Variants in ZNF407 observed in about 807,000 individuals in gnomAD.
ZNF407 encodes zinc finger protein 407.
ZNF407 carries 17 observed loss-of-function variants against 131.2 expected under a neutral mutation model. That is an observed-to-expected ratio of 0.13 (90% CI 0.09 to 0.19). The LOEUF is 0.19. Among genes scored for constraint, ZNF407 ranks in the 10% least tolerant of loss-of-function variants. The probability of loss-of-function intolerance (pLI) is 1.00; values close to 1 mark genes in which losing one functional copy is unlikely to be tolerated. For synonymous variants in ZNF407, 1,156 were observed against 1,062.0 expected (o/e 1.09, Z -1.72); for missense variants, 2,681 against 2,830.6 (o/e 0.95, Z 1.20).
chr18:74,825,106 A>G (rs1970391962), intron 4 of ZNF407, among the ~76,000 whole-genome samples: 1 of 152,242 alleles, frequency 6.6e-6, no homozygotes, highest in Non-Finnish European at 1.5e-5. Context: ...ACCAGTGACA[A>G]AAACCACATG....
chr18:74,835,290 G>A (rs543843238), intron 4 of ZNF407, among the ~76,000 whole-genome samples: 88 of 152,248 alleles, frequency 5.8e-4, no homozygotes, highest in Admixed American at 1.6e-3. Flanking sequence ...ATTTTCCTTC[G>A]TGCCACTTTC....
At chr18:74,630,100 T>A (rs994043827) in intron 1 of ZNF407, among the ~76,000 whole-genome samples, 5 of 151,930 alleles carry the variant, frequency 3.3e-5, no homozygotes, top group Non-Finnish European at 5.9e-5. Context: ...TGTTGTTCAT[T>A]GGAATATATT....
intron 8 of ZNF407, among the ~76,000 whole-genome samples, chr18:75,021,707 A>G (rs1973112549): frequency 6.6e-6 from 1 of 152,120 alleles, no homozygotes; most frequent in Non-Finnish European, 1.5e-5. Flanking sequence ...TAGTTCACAA[A>G]GATAAAAGTT....
chr18:74,863,252 T>G (rs1444911179), intron 4 of ZNF407, among the ~76,000 whole-genome samples: 4 of 151,458 alleles, frequency 2.6e-5, no homozygotes, highest in Non-Finnish European at 5.9e-5. Context: ...TATTTCATAC[T>G]TCCACCTCTT....
chr18:75,032,613 C>A (rs932244977), intron 8 of ZNF407, among the ~76,000 whole-genome samples: 8 of 152,294 alleles, frequency 5.3e-5, no homozygotes, highest in African/African-American at 1.9e-4. Context: ...AAGCTTCATA[C>A]GCATTTAGCA....
intron 3 of ZNF407, among the ~76,000 whole-genome samples, chr18:74,676,594 G>A (rs1599061214): frequency 2.0e-5 from 3 of 146,420 alleles, no homozygotes; most frequent in Middle Eastern, 3.5e-3. Flanking sequence ...CCACCACCGT[G>A]CCCGGGTAAT....
chr18:74,664,090 A>T (rs1010913948), intron 3 of ZNF407, among the ~76,000 whole-genome samples: 3 of 152,180 alleles, frequency 2.0e-5, no homozygotes, highest in Non-Finnish European at 4.4e-5. Context: ...TGGGAATTGC[A>T]TGGCCAAGTA....
intron 7 of ZNF407, among the ~76,000 whole-genome samples, chr18:74,916,210 ATGTG>A (rs1390351597): frequency 6.1e-4 from 25 of 40,880 alleles, no homozygotes; most frequent in African/African-American, 3.3e-3. Flanking sequence ...GTGTGTGTGT[ATGTG>A]TGTGTGTACA....
chr18:74,985,599 A>G (rs996887395), intron 8 of ZNF407, among the ~76,000 whole-genome samples: 1 of 152,220 alleles, frequency 6.6e-6, no homozygotes, highest in Non-Finnish European at 1.5e-5. Flanking sequence ...ATTAAGAGAA[A>G]AAGAAATGTG....
At chr18:74,984,773 A>G (rs9964094) in intron 8 of ZNF407, among the ~76,000 whole-genome samples, 25,604 of 152,274 alleles carry the variant, frequency 0.17, 2,366 homozygotes, top group Admixed American at 0.28. Context: ...CCACTCTGCC[A>G]AAAAGTTTCC....
chr18:74,815,394 C>T (rs1309526564), intron 4 of ZNF407, among the ~76,000 whole-genome samples: 2 of 152,088 alleles, frequency 1.3e-5, no homozygotes, highest in Non-Finnish European at 2.9e-5. Context: ...AGTGTCGGCC[C>T]TGGTCCTGGT....
intron 6 of ZNF407, among the ~76,000 whole-genome samples, chr18:74,882,349 GA>G (rs1231730629): frequency 6.6e-6 from 1 of 152,178 alleles, no homozygotes; most frequent in East Asian, 1.9e-4. Flanking sequence ...GTCACTTGAT[GA>G]CAAAATTGGT....
chr18:74,988,542 AGAG>A (rs937160755), intron 8 of ZNF407, among the ~76,000 whole-genome samples: 2 of 151,484 alleles, frequency 1.3e-5, no homozygotes, highest in African/African-American at 4.8e-5. Context: ...TCTTGATTCT[AGAG>A]TACTTAAAGA....
intron 4 of ZNF407, among the ~76,000 whole-genome samples, chr18:74,813,915 C>T (rs1033888712): frequency 2.0e-5 from 3 of 152,042 alleles, no homozygotes; most frequent in Non-Finnish European, 4.4e-5. Flanking sequence ...ACTAATTAGT[C>T]TTTAAAATTG....
At chr18:74,865,058 C>T (rs1295302452) in intron 4 of ZNF407, among the ~76,000 whole-genome samples, 1 of 152,172 alleles carries the variant, frequency 6.6e-6, no homozygotes, top group African/African-American at 2.4e-5. Flanking sequence ...CTTGAACCAT[C>T]TCTTGAAGCC....
intron 6 of ZNF407, among the ~76,000 whole-genome samples, chr18:74,885,559 C>G (rs1971297429): frequency 1.3e-5 from 2 of 152,184 alleles, no homozygotes; most frequent in Admixed American, 1.3e-4. Flanking sequence ...AGGACTTACA[C>G]TACTTGATGT....
intron 8 of ZNF407, chr18:74,920,936 G>A (rs1971839079): frequency 1.7e-6 from 2 of 1,175,862 alleles, no homozygotes; most frequent in East Asian, 7.4e-5. Context: ...TGACTGTAAA[G>A]TTAATAATAG....
At position 74,763,836 on chromosome 18, in the gene ZNF407, A is replaced by G. The variant is rs373456779; in HGVS notation, c.4803-17592A>G. 8.7e-5 allele frequency among the ~76,000 whole-genome samples: 13 copies of G among 148,798 alleles called. No homozygotes were observed. In the South Asian group the frequency reaches 2.3e-3, roughly 27 times the overall value. ...GCCATTCTCCTGCCTCAGCCTCCCGAGTAGCTGGGACTACAGGCGCCCGCT... is the reference window on the plus strand; with the variant it reads ...GCCATTCTCCTGCCTCAGCCTCCCGGGTAGCTGGGACTACAGGCGCCCGCT... On this transcript the variant is annotated intron_variant, in intron 3 of 8. Transcript: ENST00000299687.
chr18:74,865,685 T>C (rs887585395), intron 4 of ZNF407, among the ~76,000 whole-genome samples: 20 of 152,254 alleles, frequency 1.3e-4, no homozygotes, highest in African/African-American at 3.9e-4. Flanking sequence ...TATCTGAATT[T>C]ATCTTTTCAA....
Sources: gnomAD v4.1 joint callset for allele counts (sites outside exome capture counted in the v4.1 genomes callset) on GRCh38, gnomAD v4.1.1 for gene constraint, MANE v1.5 for transcripts, NCBI Gene and HGNC (gene_info 2026-07-23, HGNC 2026-07-21) for gene names.